Variants in AAK1 observed in about 807,000 individuals in gnomAD.
AAK1 encodes AP2 associated kinase 1, also known as AP2-associated protein kinase 1.
In AAK1, 37 loss-of-function variants were observed where a neutral mutation model predicts 116.0. That is an observed-to-expected ratio of 0.32 (90% confidence interval 0.25 to 0.42). The LOEUF (loss-of-function observed/expected upper bound fraction) is 0.42. AAK1 is among the 10% of genes least tolerant of loss of function. The probability of loss-of-function intolerance (pLI) is 1.00; values close to 1 mark genes in which losing one functional copy is unlikely to be tolerated. For synonymous variants in AAK1, 458 were observed against 439.9 expected (o/e 1.04, Z -0.51); for missense variants, 919 against 1,170.6 (o/e 0.79, Z 3.14).
At chr2:69,557,390 C>T (rs1286893964) in intron 2 of AAK1, among the ~76,000 whole-genome samples, 1 of 151,516 alleles carries the variant, frequency 6.6e-6, no homozygotes, top group Non-Finnish European at 1.5e-5. Flanking sequence ...CAGCCTTGAC[C>T]TCCTGGGTTC....
intron 2 of AAK1, among the ~76,000 whole-genome samples, chr2:69,559,709 TTC>T (rs1047783381): frequency 1.3e-5 from 2 of 152,174 alleles, no homozygotes; most frequent in Non-Finnish European, 2.9e-5. Flanking sequence ...GGTGGGGTGG[TTC>T]TCTCTCCTAT....
intron 16 of AAK1, among the ~76,000 whole-genome samples, chr2:69,498,449 T>C (rs1675839611): frequency 6.6e-6 from 1 of 151,854 alleles, no homozygotes; most frequent in African/African-American, 2.4e-5. Flanking sequence ...TGGGAGAGTT[T>C]CCACCCCACC....
At chr2:69,553,545 G>A (rs1284761813) in intron 3 of AAK1, among the ~76,000 whole-genome samples, 6 of 145,204 alleles carry the variant, frequency 4.1e-5, no homozygotes, top group African/African-American at 1.6e-4. Flanking sequence ...CTGGGTTCAA[G>A]CGATTCTCCT....
At chr2:69,531,868 C>A in intron 6 of AAK1, 173 bp downstream of exon 6, 1 of 1,293,760 alleles carries the variant, frequency 7.7e-7, no homozygotes, top group East Asian at 2.6e-5. Context: ...TGTAAACCCC[C>A]TCCTCATTCT....
intron 2 of AAK1, among the ~76,000 whole-genome samples, chr2:69,567,923 C>T (rs1558968005): frequency 6.6e-6 from 1 of 152,092 alleles, no homozygotes; most frequent in Non-Finnish European, 1.5e-5. Context: ...AATGAAACAC[C>T]CCATGCTCGA....
intron 16 of AAK1, among the ~76,000 whole-genome samples, chr2:69,504,597 G>A (rs566998987): frequency 1.3e-4 from 19 of 151,910 alleles, no homozygotes; most frequent in African/African-American, 2.7e-4. Context: ...GTGACATCCC[G>A]TCTCTACAAA....
intron 5 of AAK1, among the ~76,000 whole-genome samples, chr2:69,535,656 T>C (rs1670436290): frequency 6.6e-6 from 1 of 151,752 alleles, no homozygotes; most frequent in South Asian, 2.1e-4. Flanking sequence ...CCATGTGCCA[T>C]ATGGGGAAAG....
In AAK1 at chr2:69,466,671, CAGG is replaced by C; in HGVS notation, c.*9195_*9197del. On this transcript the variant is annotated 3_prime_UTR_variant, in exon 22 of 22. Coordinates refer to ENST00000409085, the MANE Select transcript of AAK1 (RefSeq NM_014911.5). ...CAAATAATAGATGTTGAAAATGCAA[CAGG>C]AAAAACATAAAAATAAAAGTCAGGC... The C allele has an allele frequency of 1.8e-6, 2 of 1,082,140 alleles. No individual in the cohort carries two copies. Among genetic ancestry groups the C allele is most frequent in the Non-Finnish European group, 2.3e-6 (2 of 885,988 alleles). 67.0% of individuals were successfully genotyped at this position (1,082,140 alleles called of 1,614,324 possible). A position where few individuals can be genotyped will look rare whatever the true frequency, so the allele number is the denominator to read the frequency against.
Position 69,633,014 on chromosome 2 carries a change from C to T in AAK1, c.163+9864G>A, listed in dbSNP as rs193146400. On this transcript the variant is annotated intron_variant, in intron 2 of 21. Coordinates refer to ENST00000409085, the MANE Select transcript of AAK1 (RefSeq NM_014911.5). ...GGCCACTGCACTACAGCCTGGGTGA[C>T]AGAGCAAGACTCCGTCTCAATAAAA... Among the ~76,000 whole-genome samples the T allele has an allele frequency of 5.9e-3, 894 of 150,816 alleles. 3 individuals carry two copies. The highest frequency in any genetic ancestry group is 0.011 in the Admixed American group (161 of 15,160).
intron 2 of AAK1, among the ~76,000 whole-genome samples, chr2:69,623,165 C>T (rs1478995364): frequency 1.6e-4 from 24 of 152,060 alleles, no homozygotes; most frequent in African/African-American, 2.7e-4. Context: ...CCTGAGCTAG[C>T]GAGACCACGA....
In AAK1 at chr2:69,530,691, G is replaced by A. The variant is rs745534190; in HGVS notation, c.672C>T (p.Ser224=). The A allele has an allele frequency of 1.2e-6, 2 of 1,612,936 alleles. No individual in the cohort carries two copies. The highest frequency in any genetic ancestry group is 1.1e-5 in the South Asian group (1 of 91,028). Residue 224 remains serine, a synonymous_variant, in exon 7 of 22, where the codon TCC becomes TCT. Transcript: ENST00000409085. The part of the protein sequence containing the change: ...EDEIKKYTTL[S]YRAPEMVNLY... ...GGTTGACCATTTCTGGTGCTCGATA[G>A]GACAGCGTTGTGTATCTACAATCAA...
Position 69,462,323 on chromosome 2 carries a change from C to T in AAK1, c.*13546G>A, listed in dbSNP as rs1282268215. On this transcript the variant is annotated 3_prime_UTR_variant, in exon 22 of 22. Coordinates refer to ENST00000409085, the MANE Select transcript of AAK1 (RefSeq NM_014911.5). ...GCATGGCACATGTATACATATGTAA[C>T]TAACCTGCACATTGTGCACATGTAC... 1 of 150,914 alleles carries T rather than the reference C, an allele frequency of 6.6e-6. No individual in the cohort carries two copies. Among genetic ancestry groups the T allele is most frequent in the African/African-American group, 2.4e-5 (1 of 40,948 alleles). 9.3% of individuals were successfully genotyped at this position (150,914 alleles called of 1,614,324 possible).
At chr2:69,595,336 G>A (rs1174567955) in intron 2 of AAK1, among the ~76,000 whole-genome samples, 6 of 152,132 alleles carry the variant, frequency 3.9e-5, no homozygotes, top group African/African-American at 1.2e-4. Context: ...GGCTGGTCTC[G>A]AACTCATGAC....
chr2:69,489,988 C>T (rs1197646055), intron 17 of AAK1, among the ~76,000 whole-genome samples: 2 of 152,152 alleles, frequency 1.3e-5, no homozygotes, highest in African/African-American at 2.4e-5. Flanking sequence ...GAAGAATGCC[C>T]GTCTTGACTA....
chr2:69,508,598 AAAT>A (rs1676276842), intron 14 of AAK1, among the ~76,000 whole-genome samples: 2 of 152,264 alleles, frequency 1.3e-5, no homozygotes, highest in Admixed American at 1.3e-4. Flanking sequence ...TCAGACATAC[AAAT>A]AATTAACGAC....
chr2:69,519,384 C>T (rs1669651986), intron 11 of AAK1, 144 bp from the exon 12 acceptor site: 2 of 1,193,370 alleles, frequency 1.7e-6, no homozygotes, highest in Admixed American at 3.2e-5. Flanking sequence ...TTTCCACATG[C>T]TCTGTCCCAC....
intron 2 of AAK1, among the ~76,000 whole-genome samples, chr2:69,590,786 A>C (rs1375300947): frequency 6.6e-6 from 1 of 152,222 alleles, no homozygotes; most frequent in African/African-American, 2.4e-5. Context: ...ATATCCTATC[A>C]ATCTTAAAAT....
intron 5 of AAK1, among the ~76,000 whole-genome samples, chr2:69,540,875 T>A (rs1670684707): frequency 6.6e-6 from 1 of 152,194 alleles, no homozygotes; most frequent in South Asian, 2.1e-4. Context: ...AGTGAATGAA[T>A]GGATAAACAA....
intron 16 of AAK1, among the ~76,000 whole-genome samples, chr2:69,500,698 T>TATATATATATATATATATAC: frequency 1.2e-4 from 8 of 65,100 alleles, no homozygotes; most frequent in East Asian, 1.0e-3. Context: ...TATATATATA[T>TATATATATATATATATATAC]ACACACACAC....
Sources: allele counts gnomAD v4.1 joint callset (sites outside exome capture counted in the v4.1 genomes callset), GRCh38; gene constraint gnomAD v4.1.1; transcripts MANE v1.5; gene names NCBI Gene and HGNC (gene_info 2026-07-23, HGNC 2026-07-21).